Variants in NBEAL1 observed in about 807,000 individuals in gnomAD.
NBEAL1 encodes neurobeachin like 1, also known as neurobeachin-like protein 1.
Under a neutral mutation model 351.3 loss-of-function variants are expected in NBEAL1, and 273 were observed. That is an observed-to-expected ratio of 0.78 (90% confidence interval 0.70 to 0.86). NBEAL1 has a LOEUF of 0.86. NBEAL1 is among the 40% of genes least tolerant of loss of function. NBEAL1 has a pLI of 0.00. For missense variants in NBEAL1, 2,961 were observed against 3,201.3 expected, an observed-to-expected ratio of 0.92 and a Z score of 1.81; for synonymous variants, 1,050 against 1,086.4, an observed-to-expected ratio of 0.97 and a Z score of 0.66.
intron 47 of NBEAL1, among the ~76,000 whole-genome samples, chr2:203,196,933 C>T (rs926524198): frequency 9.9e-5 from 15 of 152,076 alleles, no homozygotes; most frequent in African/African-American, 3.6e-4. Flanking sequence ...GACCAATTTT[C>T]TCATTTGACT....
At chr2:203,150,372 G>A (rs921531649) in intron 34 of NBEAL1, among the ~76,000 whole-genome samples, 7 of 151,824 alleles carry the variant, frequency 4.6e-5, no homozygotes, top group South Asian at 4.1e-4. Context: ...AAATGTCTGC[G>A]CAAGTCCTTT....
intron 31 of NBEAL1, among the ~76,000 whole-genome samples, chr2:203,139,813 C>T (rs1559397832): frequency 2.0e-5 from 3 of 151,722 alleles, no homozygotes; most frequent in African/African-American, 7.3e-5. Context: ...GTGATCTGCC[C>T]ACCTCAGCCT....
chr2:203,110,312 C>G (rs1559372598), intron 15 of NBEAL1, 30 bp downstream of exon 15: 1 of 1,533,912 alleles, frequency 6.5e-7, no homozygotes, highest in Non-Finnish European at 8.8e-7. Context: ...CATTTAACTT[C>G]TAGTATGGTT....
chr2:203,144,689 G>C lies in NBEAL1; in HGVS notation c.4938G>C (p.Lys1646Asn), dbSNP rs373533440. 1 of 1,613,962 alleles carries C rather than the reference G, an allele frequency of 6.2e-7. No homozygotes were observed. The highest frequency in any genetic ancestry group is 8.5e-7 in the Non-Finnish European group (1 of 1,179,966). ...NQDEACYILG[K>N]LEHVLSQSIK... ...ATGAAGCATGTTACATTTTAGGGAAGCTGGAACATGTTCTAAGTCAATCAA... is the reference window on the plus strand; with the variant it reads ...ATGAAGCATGTTACATTTTAGGGAACCTGGAACATGTTCTAAGTCAATCAA... The change falls in exon 32 of 56, where the codon AAG becomes AAC. Residue 1646 changes from lysine to asparagine, a missense_variant. By Grantham distance (94) the Lys-to-Asn change is moderately conservative. Coordinates refer to ENST00000683969, the MANE Select transcript of NBEAL1 (RefSeq NM_001378026.1).
At position 203,162,364 on chromosome 2, in the gene NBEAL1, C is replaced by T. The variant is rs2063993523; in HGVS notation, c.5715-3785C>T. Among the ~76,000 whole-genome samples the T allele has an allele frequency of 2.6e-5, 4 of 151,978 alleles. No homozygotes were observed. The South Asian group carries it at 8.3e-4, about 32-fold the overall frequency. Reference sequence around the variant, plus strand: ...TATGTTGATAAAGCCACATATTCAGCCAAGAATGAGTAGCTATGTCCCAAA... The same window carrying T: ...TATGTTGATAAAGCCACATATTCAGTCAAGAATGAGTAGCTATGTCCCAAA... On this transcript the variant is annotated intron_variant, in intron 36 of 55. Transcript: ENST00000683969.
chr2:203,044,923 CAG>C lies in NBEAL1; in HGVS notation c.143+3070_143+3071del, dbSNP rs935317802. Among the ~76,000 whole-genome samples, 37 of 152,182 alleles carry C rather than the reference CAG, an allele frequency of 2.4e-4. 1 individual carries two copies. Among genetic ancestry groups the C allele is most frequent in the Admixed American group, 2.4e-3 (37 of 15,272 alleles). ...TTACAGTAGACATTCAAGAGCCAAA[CAG>C]AGGAACAGATTTGTGGAATTTGGGA... On this transcript the variant is annotated intron_variant, in intron 3 of 55. Transcript: ENST00000683969.
In NBEAL1 at chr2:203,223,467, A is replaced by G. The variant is rs1406155993; in HGVS notation, c.*6113A>G. 6.6e-6 allele frequency among the ~76,000 whole-genome samples: 1 copy of G among 151,976 alleles called. No individual in the cohort carries two copies. The highest frequency in any genetic ancestry group is 1.5e-5 in the Non-Finnish European group (1 of 67,930). On this transcript the variant is annotated 3_prime_UTR_variant, in exon 56 of 56. Transcript: ENST00000683969. ...TTTCCACTTATGTAATGGCTGTCTC[A>G]TTATTTAAATTAATTTATAATTATT...
At chr2:203,134,642 G>A (rs2063156020) in intron 27 of NBEAL1, among the ~76,000 whole-genome samples, 1 of 152,114 alleles carries the variant, frequency 6.6e-6, no homozygotes, top group South Asian at 2.1e-4. Flanking sequence ...TGATAAAATT[G>A]TCTTAAAAGA....
intron 41 of NBEAL1, 103 bp downstream of exon 41, chr2:203,172,956 C>A: frequency 3.6e-6 from 3 of 836,126 alleles, no homozygotes; most frequent in Admixed American, 3.3e-5. Context: ...TATCGTACTA[C>A]TACTTTTGAT....
chr2:203,180,604 A>G (rs1487766239), intron 43 of NBEAL1, 92 bp downstream of exon 43: 2 of 1,114,216 alleles, frequency 1.8e-6, no homozygotes, highest in Non-Finnish European at 2.5e-6. Context: ...TATCCTGTAG[A>G]TTATTTAAGA....
intron 49 of NBEAL1, among the ~76,000 whole-genome samples, chr2:203,200,120 T>G (rs1231336963): frequency 6.6e-6 from 1 of 152,232 alleles, no homozygotes; most frequent in Non-Finnish European, 1.5e-5. Context: ...GGCTCACGCC[T>G]GTAATCCCAA....
intron 39 of NBEAL1, among the ~76,000 whole-genome samples, chr2:203,170,976 G>A (rs2064300655): frequency 1.3e-5 from 2 of 152,120 alleles, no homozygotes; most frequent in Admixed American, 6.6e-5. Flanking sequence ...CCTAAAATTC[G>A]AAATTTTAGG....
intron 1 of NBEAL1, among the ~76,000 whole-genome samples, chr2:203,015,512 G>C (rs531722950): frequency 8.2e-4 from 125 of 151,856 alleles, no homozygotes; most frequent in African/African-American, 2.9e-3. Flanking sequence ...CCAGACTGGA[G>C]TGCAGTGGCG....
intron 49 of NBEAL1, among the ~76,000 whole-genome samples, chr2:203,200,585 T>G (rs544825784): frequency 6.6e-6 from 1 of 151,166 alleles, no homozygotes; most frequent in Non-Finnish European, 1.5e-5. Context: ...TCCAAGCTAC[T>G]CGGGGGGCTG....
chr2:203,185,349 C>T (rs532060448), intron 44 of NBEAL1, among the ~76,000 whole-genome samples: 1 of 152,142 alleles, frequency 6.6e-6, no homozygotes, highest in African/African-American at 2.4e-5. Context: ...TACTGAGTAA[C>T]AAACTGTTCC....
At chr2:203,161,499 C>T (rs1377184060) in intron 36 of NBEAL1, among the ~76,000 whole-genome samples, 2 of 145,598 alleles carry the variant, frequency 1.4e-5, no homozygotes, top group Non-Finnish European at 3.0e-5. Flanking sequence ...CATGGTGGCA[C>T]GTGCCTGTAG....
chr2:203,216,611 AAG>A, intron 55 of NBEAL1, among the ~76,000 whole-genome samples: 1 of 152,238 alleles, frequency 6.6e-6, no homozygotes, highest in African/African-American at 2.4e-5. Context: ...AATTTTAAAA[AAG>A]AATAGTTTTG....
At chr2:203,113,971 G>A (rs4675312) in intron 17 of NBEAL1, among the ~76,000 whole-genome samples, 137,155 of 151,736 alleles carry the variant, frequency 0.9, 62,613 homozygotes, top group Non-Finnish European at 0.96. Context: ...ACAGGCACCC[G>A]CCACCATGCC....
In NBEAL1 at chr2:203,073,726, C is replaced by T. The variant is rs373118630; in HGVS notation, c.599-4026C>T. 1.8e-3 allele frequency among the ~76,000 whole-genome samples: 277 copies of T among 152,172 alleles called. 1 individual carries two copies. The highest frequency in any genetic ancestry group is 3.2e-3 in the African/African-American group (131 of 41,542). On this transcript the variant is annotated intron_variant, in intron 7 of 55. Coordinates refer to ENST00000683969, the MANE Select transcript of NBEAL1 (RefSeq NM_001378026.1). ...ATTTTCCTCTATTGTTTATTCGTTT[C>T]CTTTTTCATTATTTTTTCTATTATC...
Sources: gnomAD v4.1 joint callset for allele counts (sites outside exome capture counted in the v4.1 genomes callset) on GRCh38, gnomAD v4.1.1 for gene constraint, MANE v1.5 for transcripts, NCBI Gene and HGNC (gene_info 2026-07-23, HGNC 2026-07-21) for gene names.